Variants in FBXO36 observed in about 807,000 individuals in gnomAD.
FBXO36 encodes the protein F-box only protein 36.
In FBXO36, 18 loss-of-function variants were observed where a neutral mutation model predicts 17.0. The ratio of observed to expected loss-of-function variants is 1.06; its 90% CI spans 0.73 to 1.57. The LOEUF (loss-of-function observed/expected upper bound fraction) is 1.57. Among genes scored for constraint, FBXO36 ranks in the 40% most tolerant of loss-of-function variants. The probability of loss-of-function intolerance (pLI) is 0.00; values close to 1 mark genes in which losing one functional copy is unlikely to be tolerated. For missense variants in FBXO36, 229 were observed against 221.9 expected (o/e 1.03, Z -0.20); for synonymous variants, 83 against 85.3 (o/e 0.97, Z 0.15).
At chr2:229,931,023 T>C (rs1408527215) in intron 1 of FBXO36, among the ~76,000 whole-genome samples, 2 of 152,216 alleles carry the variant, frequency 1.3e-5, no homozygotes, top group Non-Finnish European at 2.9e-5. Flanking sequence ...AAACATTGTG[T>C]CTTGTGACAC....
intron 1 of FBXO36, among the ~76,000 whole-genome samples, chr2:229,926,144 AAG>A (rs2076910950): frequency 6.7e-6 from 1 of 149,178 alleles, no homozygotes; most frequent in African/African-American, 2.5e-5. Context: ...AAAAAAAAAA[AAG>A]GGGGGGCTGA....
intron 3 of FBXO36, among the ~76,000 whole-genome samples, chr2:229,999,935 C>T (rs2077349277): frequency 6.6e-6 from 1 of 151,940 alleles, no homozygotes; most frequent in Admixed American, 6.6e-5. Context: ...CATTTAGCTC[C>T]CCAAAATATA....
chr2:230,000,355 C>CAA (rs3086348), intron 3 of FBXO36, among the ~76,000 whole-genome samples: 490 of 76,828 alleles, frequency 6.4e-3, no homozygotes, highest in African/African-American at 7.6e-3. Context: ...GAGACTGTCT[C>CAA]AAAAAAAAAA....
At chr2:229,959,847 A>G (rs1382807801) in intron 1 of FBXO36, among the ~76,000 whole-genome samples, 1 of 144,240 alleles carries the variant, frequency 6.9e-6, no homozygotes, top group Non-Finnish European at 1.6e-5. Context: ...CTCCATCTCA[A>G]AAAAAAAAAG....
At chr2:229,922,650 A>C (rs775007256) in intron 1 of FBXO36, 41 bp downstream of exon 1, 1 of 1,599,946 alleles carries the variant, frequency 6.3e-7, no homozygotes, top group South Asian at 1.1e-5. Flanking sequence ...CTAACTCCCT[A>C]CCTGGCCCGG....
intron 1 of FBXO36, among the ~76,000 whole-genome samples, chr2:229,959,531 G>A (rs2077109754): frequency 6.6e-6 from 1 of 152,122 alleles, no homozygotes; most frequent in Non-Finnish European, 1.5e-5. Flanking sequence ...TATTGTAATA[G>A]AACATTTTTC....
At chr2:229,975,706 G>C (rs2077204415) in intron 1 of FBXO36, among the ~76,000 whole-genome samples, 2 of 151,356 alleles carry the variant, frequency 1.3e-5, no homozygotes. Flanking sequence ...GAACTCCCAG[G>C]CTCAAGCAAT....
intron 2 of FBXO36, among the ~76,000 whole-genome samples, chr2:229,996,182 A>G (rs2077326208): frequency 6.6e-6 from 1 of 151,750 alleles, no homozygotes; most frequent in South Asian, 2.1e-4. Flanking sequence ...GGAGGCTGAA[A>G]TGGGAGGATT....
At chr2:230,000,606 C>G (rs994677352) in intron 3 of FBXO36, among the ~76,000 whole-genome samples, 1 of 151,908 alleles carries the variant, frequency 6.6e-6, no homozygotes, top group Non-Finnish European at 1.5e-5. Context: ...TTATTTCTCA[C>G]GCTGAGCGGC....
intron 1 of FBXO36, among the ~76,000 whole-genome samples, chr2:229,928,540 C>T (rs1462351194): frequency 2.0e-5 from 3 of 152,108 alleles, no homozygotes; most frequent in African/African-American, 7.2e-5. Flanking sequence ...GGTGTCCTGC[C>T]TGTATTCCCC....
At chr2:229,939,186 T>C (rs888349980) in intron 1 of FBXO36, 12 of 971,972 alleles carry the variant, frequency 1.2e-5, no homozygotes, top group Non-Finnish European at 1.5e-5. Flanking sequence ...CCCAAGTATC[T>C]GGGATTACAG....
chr2:229,957,309 G>T (rs2077093711), intron 1 of FBXO36, among the ~76,000 whole-genome samples: 1 of 152,216 alleles, frequency 6.6e-6, no homozygotes, highest in South Asian at 2.1e-4. Context: ...GGGCACGGTG[G>T]CTCATGCCTG....
intron 3 of FBXO36, among the ~76,000 whole-genome samples, chr2:230,005,525 A>T (rs1289033108): frequency 1.3e-5 from 2 of 152,230 alleles, no homozygotes; most frequent in East Asian, 1.9e-4. Flanking sequence ...AACTATTTAA[A>T]ATACTCAAAG....
chr2:229,940,532 A>C (rs537746989), intron 1 of FBXO36, among the ~76,000 whole-genome samples: 11 of 152,288 alleles, frequency 7.2e-5, no homozygotes, highest in African/African-American at 2.6e-4. Flanking sequence ...TGGAAGTCCT[A>C]ACGCTGAGTA....
At chr2:229,939,279 C>T in intron 1 of FBXO36, 1 of 984,944 alleles carries the variant, frequency 1.0e-6, no homozygotes. Flanking sequence ...GTAAGATATA[C>T]AATTTTTTTG....
At chr2:230,004,761 C>CT (rs1354325945) in intron 3 of FBXO36, among the ~76,000 whole-genome samples, 1 of 152,062 alleles carries the variant, frequency 6.6e-6, no homozygotes, top group Non-Finnish European at 1.5e-5. Flanking sequence ...AATCCCAGCA[C>CT]TTTGGGAGGC....
intron 1 of FBXO36, among the ~76,000 whole-genome samples, chr2:229,932,541 A>G (rs2076943966): frequency 6.6e-6 from 1 of 151,964 alleles, no homozygotes; most frequent in African/African-American, 2.4e-5. Flanking sequence ...TTAGCTGGAT[A>G]TGGTGGCGCA....
intron 2 of FBXO36, among the ~76,000 whole-genome samples, chr2:229,995,640 T>C (rs1328049487): frequency 6.8e-6 from 1 of 147,916 alleles, no homozygotes; most frequent in Non-Finnish European, 1.5e-5. Context: ...TTGCACAGGT[T>C]GGAGTGCAAT....
intron 1 of FBXO36, among the ~76,000 whole-genome samples, chr2:229,931,856 A>G (rs1473792276): frequency 6.6e-6 from 1 of 151,842 alleles, no homozygotes; most frequent in African/African-American, 2.4e-5. Flanking sequence ...ATAAAATATA[A>G]TGCTGTTTCA....
Sources: allele counts gnomAD v4.1 joint callset (sites outside exome capture counted in the v4.1 genomes callset), GRCh38; gene constraint gnomAD v4.1.1; transcripts MANE v1.5; gene names NCBI Gene and HGNC (gene_info 2026-07-23, HGNC 2026-07-21).